The following RNF6 variants were observed in gnomAD, a reference collection of about 807,000 sequenced individuals.
RNF6 encodes E3 ubiquitin-protein ligase RNF6.
RNF6 carries 21 observed loss-of-function variants against 50.1 expected under a neutral mutation model. The ratio of observed to expected loss-of-function variants is 0.42; its 90% CI spans 0.30 to 0.60. The LOEUF (loss-of-function observed/expected upper bound fraction) is 0.60. Ranked by LOEUF, RNF6 falls within the 20% of genes least tolerant of loss-of-function variation. RNF6 has a pLI of 0.20. For missense variants in RNF6, 698 were observed against 838.2 expected (o/e 0.83, Z 2.07); for synonymous variants, 255 against 291.8 (o/e 0.87, Z 1.29).
At chr13:26,153,989 C>T (rs186735488) in intron 5 of RNF6, 1 of 152,314 alleles carries the variant, frequency 6.6e-6, no homozygotes, top group East Asian at 1.9e-4. Context: ...TAATTTGAAA[C>T]TCTAATTTCA....
intron 5 of RNF6, among the ~76,000 whole-genome samples, chr13:26,143,813 G>A (rs960315658): frequency 6.6e-6 from 1 of 152,168 alleles, no homozygotes. Flanking sequence ...AATTCCATGA[G>A]CATGGGCCCA....
intron 5 of RNF6, among the ~76,000 whole-genome samples, chr13:26,203,601 G>A (rs569058464): frequency 2.6e-5 from 4 of 152,330 alleles, no homozygotes; most frequent in Admixed American, 6.5e-5. Flanking sequence ...ACGCATAAAG[G>A]CAATATTAGA....
chr13:26,176,093 G>C (rs558069234), intron 5 of RNF6, among the ~76,000 whole-genome samples: 1 of 152,236 alleles, frequency 6.6e-6, no homozygotes, highest in South Asian at 2.1e-4. Context: ...AGGCCATGGT[G>C]GTTGTCTAAG....
chr13:26,215,213 A>AT lies in RNF6; in HGVS notation c.668dup (p.Asn223LysfsTer4). 2 of 1,614,164 alleles carry AT rather than the reference A, an allele frequency of 1.2e-6. No homozygotes were observed. Among genetic ancestry groups the AT allele is most frequent in the Non-Finnish European group, 1.7e-6 (2 of 1,180,020 alleles). On this transcript the variant is annotated frameshift_variant, in exon 5 of 5. Coordinates refer to ENST00000381588, the MANE Select transcript of RNF6 (RefSeq NM_005977.4). LOFTEE classifies it high-confidence loss of function. ...ATGTTGAGAAAGATCCTTCAGCTGG[A>AT]TTTTGCCCCCTTGAAGCAAGCCTAG...
chr13:26,188,623 C>CTTTTTTTTTTT lies in RNF6; in HGVS notation n.768+26840_768+26850dup, dbSNP rs1163881143. Among the ~76,000 whole-genome samples the CTTTTTTTTTTT allele has an allele frequency of 2.3e-3, 99 of 43,260 alleles. 27 individuals are homozygous for CTTTTTTTTTTT. Among genetic ancestry groups the CTTTTTTTTTTT allele is most frequent in the African/African-American group, 7.1e-3 (65 of 9,158 alleles). 28.4% of individuals were successfully genotyped at this position (43,260 alleles called of 152,430 possible). On this transcript the variant is annotated intron_variant and non_coding_transcript_variant, in intron 5 of 5. Coordinates refer to the RNF6 transcript ENST00000468480. ...GCTTTAGTTGGACAAGTCAAAAGAGCTTTTTTTTTTTTTTTTTTTTTTTTT... is the reference window on the plus strand; with the variant it reads ...GCTTTAGTTGGACAAGTCAAAAGAGCTTTTTTTTTTTTTTTTTTTTTTTTTTTTTTTTTTTT...
chr13:26,206,146 G>A (rs1332084108), intron 5 of RNF6, among the ~76,000 whole-genome samples: 1 of 152,178 alleles, frequency 6.6e-6, no homozygotes, highest in Non-Finnish European at 1.5e-5. Flanking sequence ...CAGCCTGCCA[G>A]CCAGCCCTTT....
At chr13:26,208,400 C>T (rs1869193118), downstream of RNF6, among the ~76,000 whole-genome samples, 1 of 152,180 alleles carries the variant, frequency 6.6e-6, no homozygotes, top group African/African-American at 2.4e-5. Flanking sequence ...ACACTTCTCT[C>T]ATGTAGCCAC....
chr13:26,222,381 A>C (rs1281699469), upstream of RNF6: 1 of 152,226 alleles, frequency 6.6e-6, no homozygotes, highest in Non-Finnish European at 1.5e-5. Context: ...CGCCGCCCTT[A>C]CAGTGCCTCC....
At chr13:26,151,201 CA>C (rs1871571442) in intron 5 of RNF6, among the ~76,000 whole-genome samples, 1 of 152,160 alleles carries the variant, frequency 6.6e-6, no homozygotes, top group Admixed American at 6.5e-5. Context: ...AAGGATATTT[CA>C]AAATCTAAAT....
chr13:26,175,783 T>C (rs1036028596), intron 5 of RNF6, among the ~76,000 whole-genome samples: 11 of 152,152 alleles, frequency 7.2e-5, no homozygotes, highest in African/African-American at 1.4e-4. Flanking sequence ...TTCCAAGTCA[T>C]AGCAAGATGC....
chr13:26,182,542 C>G (rs181082608), intron 5 of RNF6, among the ~76,000 whole-genome samples: 1 of 152,130 alleles, frequency 6.6e-6, no homozygotes, highest in African/African-American at 2.4e-5. Flanking sequence ...GCTGGGCATG[C>G]GGGCTTATGC....
chr13:26,139,139 C>T (rs545519226), intron 5 of RNF6, among the ~76,000 whole-genome samples: 1 of 152,188 alleles, frequency 6.6e-6, no homozygotes, highest in African/African-American at 2.4e-5. Context: ...CTGATGGGGG[C>T]TCACCTTTTA....
chr13:26,192,857 A>C (rs1419918445), intron 5 of RNF6, among the ~76,000 whole-genome samples: 1 of 152,230 alleles, frequency 6.6e-6, no homozygotes, highest in Non-Finnish European at 1.5e-5. Context: ...GAGACCCTGA[A>C]ACAGAGAACC....
rs1488080612 is a variant in RNF6 at position 26,218,364 on chromosome 13, T to C, written c.289+147A>G. 6 of 621,724 alleles carry C rather than the reference T, an allele frequency of 9.7e-6. No individual in the cohort carries two copies. The East Asian group carries it at 1.7e-4, about 17-fold the overall frequency. 38.5% of individuals were successfully genotyped at this position (621,724 alleles called of 1,614,324 possible). On this transcript the variant is annotated intron_variant, in intron 4 of 4. Coordinates refer to ENST00000381588, the MANE Select transcript of RNF6 (RefSeq NM_005977.4). ...GTCCTATACTGCTTAACCATACTGCTTTACTACTCATATATATATTATCTG... is the reference window on the plus strand; with the variant it reads ...GTCCTATACTGCTTAACCATACTGCCTTACTACTCATATATATATTATCTG...
At chr13:26,176,975 G>A (rs1353916063) in intron 5 of RNF6, among the ~76,000 whole-genome samples, 3 of 152,130 alleles carry the variant, frequency 2.0e-5, no homozygotes, top group Admixed American at 2.0e-4. Flanking sequence ...TATGCCAGGT[G>A]AAGACAGAGA....
At chr13:26,158,268 G>A (rs374493551) in intron 5 of RNF6, among the ~76,000 whole-genome samples, 90 of 152,214 alleles carry the variant, frequency 5.9e-4, no homozygotes, top group Middle Eastern at 3.4e-3. Flanking sequence ...TCCAAGGAGA[G>A]GGGATCCAAA....
At chr13:26,200,802 T>C (rs1193329935) in intron 5 of RNF6, among the ~76,000 whole-genome samples, 2 of 152,210 alleles carry the variant, frequency 1.3e-5, no homozygotes, top group African/African-American at 4.8e-5. Flanking sequence ...ACTCACAATA[T>C]GTGTGCTGTT....
At chr13:26,185,148 C>T (rs900942325) in intron 5 of RNF6, among the ~76,000 whole-genome samples, 1 of 152,036 alleles carries the variant, frequency 6.6e-6, no homozygotes, top group Admixed American at 6.5e-5. Context: ...AGGCGCACAC[C>T]ACCATGCCCG....
At chr13:26,156,798 C>T (rs1871947362) in intron 5 of RNF6, among the ~76,000 whole-genome samples, 1 of 152,170 alleles carries the variant, frequency 6.6e-6, no homozygotes, top group South Asian at 2.1e-4. Flanking sequence ...CTGCCAGGTA[C>T]TACAGTTCCA....
Sources: gnomAD v4.1 joint callset for allele counts (sites outside exome capture counted in the v4.1 genomes callset) on GRCh38, gnomAD v4.1.1 for gene constraint, MANE v1.5 for transcripts, NCBI Gene and HGNC (gene_info 2026-07-23, HGNC 2026-07-21) for gene names.